FCHSD2: variants seen among roughly 807,000 people sequenced by gnomAD.
The protein encoded by FCHSD2 is F-BAR and double SH3 domains protein 2.
In FCHSD2, 38 loss-of-function variants were observed where a neutral mutation model predicts 108.1. The observed-to-expected ratio is 0.35, with a 90% confidence interval of 0.27 to 0.46. The LOEUF (loss-of-function observed/expected upper bound fraction) is 0.46. Ranked by LOEUF, FCHSD2 falls within the 20% of genes least tolerant of loss-of-function variation. FCHSD2 has a pLI of 1.00. For missense variants in FCHSD2, 751 were observed against 897.8 expected, an observed-to-expected ratio of 0.84 and a Z score of 2.09; for synonymous variants, 279 against 314.7, an observed-to-expected ratio of 0.89 and a Z score of 1.20.
chr11:72,870,057 T>C (rs1029530915), intron 12 of FCHSD2, among the ~76,000 whole-genome samples: 2 of 152,164 alleles, frequency 1.3e-5, no homozygotes, highest in Non-Finnish European at 2.9e-5. Context: ...TGATCCATCA[T>C]GTGCTTGCGT....
chr11:72,952,190 C>T (rs1591429870), intron 8 of FCHSD2, among the ~76,000 whole-genome samples: 2 of 152,242 alleles, frequency 1.3e-5, no homozygotes, highest in African/African-American at 2.4e-5. Flanking sequence ...AAGCAACTCT[C>T]TCTTCTCTAT....
intron 3 of FCHSD2, among the ~76,000 whole-genome samples, chr11:73,038,511 G>A (rs1858554169): frequency 6.6e-6 from 1 of 152,146 alleles, no homozygotes; most frequent in Admixed American, 6.5e-5. Context: ...TGGATACTAT[G>A]CAGCCATGAA....
intron 13 of FCHSD2, among the ~76,000 whole-genome samples, chr11:72,851,516 G>A (rs1010670065): frequency 1.3e-5 from 2 of 152,046 alleles, no homozygotes; most frequent in South Asian, 2.1e-4. Flanking sequence ...CGAGGTGGGC[G>A]GATCACAAGG....
intron 2 of FCHSD2, among the ~76,000 whole-genome samples, chr11:73,098,626 G>C (rs948548167): frequency 6.6e-6 from 1 of 151,990 alleles, no homozygotes; most frequent in Non-Finnish European, 1.5e-5. Flanking sequence ...AAACATCTAT[G>C]ATCAGCTGAT....
chr11:73,012,961 G>C (rs1170597425), intron 4 of FCHSD2, among the ~76,000 whole-genome samples: 2 of 152,140 alleles, frequency 1.3e-5, no homozygotes, highest in Non-Finnish European at 2.9e-5. Flanking sequence ...AATATGAGAT[G>C]ATGAGGAATT....
intron 6 of FCHSD2, among the ~76,000 whole-genome samples, chr11:72,986,884 C>G: frequency 6.6e-6 from 1 of 152,130 alleles, no homozygotes; most frequent in Admixed American, 6.5e-5. Context: ...CTACTCTTTA[C>G]CACCTACCCT....
intron 12 of FCHSD2, among the ~76,000 whole-genome samples, chr11:72,884,400 CAT>C (rs1232560324): frequency 6.6e-6 from 1 of 151,572 alleles, no homozygotes; most frequent in Non-Finnish European, 1.5e-5. Flanking sequence ...GGTCTGCTAA[CAT>C]AGCATGAATA....
intron 9 of FCHSD2, among the ~76,000 whole-genome samples, chr11:72,918,187 TTTTTG>T (rs1408567759): frequency 6.6e-6 from 1 of 152,198 alleles, no homozygotes; most frequent in Non-Finnish European, 1.5e-5. Context: ...CTTAACCTTC[TTTTTG>T]GATCATTCAT....
At chr11:73,093,848 GC>G (rs1199513315) in intron 2 of FCHSD2, among the ~76,000 whole-genome samples, 1 of 151,802 alleles carries the variant, frequency 6.6e-6, no homozygotes, top group Non-Finnish European at 1.5e-5. Context: ...CAGGTGATCT[GC>G]CCACCTCGGC....
chr11:73,002,859 T>C (rs1591473970), intron 4 of FCHSD2, among the ~76,000 whole-genome samples: 3 of 152,332 alleles, frequency 2.0e-5, no homozygotes, highest in African/African-American at 7.2e-5. Context: ...TTCTTTTAAT[T>C]ATAAATATTT....
chr11:73,013,808 C>A (rs1387098387), intron 4 of FCHSD2, among the ~76,000 whole-genome samples: 1 of 152,090 alleles, frequency 6.6e-6, no homozygotes, highest in Non-Finnish European at 1.5e-5. Context: ...AACCTGAATC[C>A]TGAATTTTAA....
intron 3 of FCHSD2, among the ~76,000 whole-genome samples, chr11:73,029,265 A>C (rs1340565230): frequency 6.6e-6 from 1 of 152,188 alleles, no homozygotes; most frequent in Non-Finnish European, 1.5e-5. Context: ...TGTAGGAGCA[A>C]ATTCTGAGAA....
At chr11:73,137,542 G>A (rs781071414) in intron 2 of FCHSD2, among the ~76,000 whole-genome samples, 2 of 152,076 alleles carry the variant, frequency 1.3e-5, no homozygotes, top group African/African-American at 2.4e-5. Flanking sequence ...AGTTACATTC[G>A]ACAACAAGGG....
At chr11:73,079,721 A>G (rs1389283963) in intron 3 of FCHSD2, among the ~76,000 whole-genome samples, 1 of 152,172 alleles carries the variant, frequency 6.6e-6, no homozygotes, top group African/African-American at 2.4e-5. Flanking sequence ...TACTCAGAAA[A>G]TAAGTTGAAA....
intron 3 of FCHSD2, among the ~76,000 whole-genome samples, chr11:73,078,524 T>G (rs936354808): frequency 6.6e-6 from 1 of 152,046 alleles, no homozygotes; most frequent in African/African-American, 2.4e-5. Context: ...ACAACATGCA[T>G]GAAGCTTAAA....
chr11:72,842,246 G>C (rs1860979764), intron 17 of FCHSD2, among the ~76,000 whole-genome samples: 1 of 152,250 alleles, frequency 6.6e-6, no homozygotes, highest in South Asian at 2.1e-4. Context: ...GGCTCTGACA[G>C]TGAGGGAGAG....
chr11:72,863,066 G>A (rs1286126666), intron 13 of FCHSD2, among the ~76,000 whole-genome samples: 2 of 152,028 alleles, frequency 1.3e-5, no homozygotes, highest in African/African-American at 4.8e-5. Context: ...AGGACCGCAG[G>A]AATGTACCAC....
intron 13 of FCHSD2, among the ~76,000 whole-genome samples, chr11:72,856,832 T>A (rs1367339905): frequency 6.6e-6 from 1 of 152,160 alleles, no homozygotes; most frequent in Non-Finnish European, 1.5e-5. Context: ...CATAAAAGAA[T>A]CATGCTAGAA....
At chr11:73,026,411 A>G (rs1438911788) in intron 3 of FCHSD2, among the ~76,000 whole-genome samples, 1 of 152,220 alleles carries the variant, frequency 6.6e-6, no homozygotes, top group Non-Finnish European at 1.5e-5. Flanking sequence ...ATGGATGCTA[A>G]TTTGTTCCAC....
Sources: allele counts gnomAD v4.1 joint callset (sites outside exome capture counted in the v4.1 genomes callset), GRCh38; gene constraint gnomAD v4.1.1; transcripts MANE v1.5; gene names NCBI Gene and HGNC (gene_info 2026-07-23, HGNC 2026-07-21).